The following SEMA3E variants were observed in gnomAD, a reference collection of about 807,000 sequenced individuals.
SEMA3E encodes the protein semaphorin 3E.
Under a neutral mutation model 93.6 loss-of-function variants are expected in SEMA3E, and 49 were observed. The ratio of observed to expected loss-of-function variants is 0.52; its 90% CI spans 0.42 to 0.66. The LOEUF (loss-of-function observed/expected upper bound fraction) is 0.66, where lower values mean the gene tolerates loss of function less well. Ranked by LOEUF, SEMA3E falls within the 30% of genes least tolerant of loss-of-function variation. The pLI is 0.00. For synonymous variants in SEMA3E, 363 were observed against 330.7 expected, an observed-to-expected ratio of 1.10 and a Z score of -1.06; for missense variants, 906 against 964.8, an observed-to-expected ratio of 0.94 and a Z score of 0.81.
At chr7:83,532,131 A>G (rs948108867) in intron 1 of SEMA3E, among the ~76,000 whole-genome samples, 10 of 152,102 alleles carry the variant, frequency 6.6e-5, no homozygotes, top group Non-Finnish European at 7.4e-5. Flanking sequence ...AAAAATTAGG[A>G]ATCTTTTTAG....
Position 83,429,456 on chromosome 7 carries a change from T to C in SEMA3E, c.457-10973A>G, listed in dbSNP as rs564301349. Among the ~76,000 whole-genome samples, 9 of 152,336 alleles carry C rather than the reference T, an allele frequency of 5.9e-5. 1 individual carries two copies. The highest frequency in any genetic ancestry group is 4.6e-4 in the Admixed American group (7 of 15,310). ...GACAGCTCTGCCTACTGGCTAGGTA[T>C]GCCACGGTGTCCTAGAGTATTTGAA... On this transcript the variant is annotated intron_variant, in intron 4 of 16. Coordinates refer to ENST00000643230, the MANE Select transcript of SEMA3E (RefSeq NM_012431.3).
At chr7:83,620,657 C>T (rs1793534941) in intron 1 of SEMA3E, among the ~76,000 whole-genome samples, 1 of 152,030 alleles carries the variant, frequency 6.6e-6, no homozygotes, top group East Asian at 1.9e-4. Flanking sequence ...CTATGATAAA[C>T]TTGGCTTCAT....
At chr7:83,452,303 T>C (rs1375119460) in intron 4 of SEMA3E, among the ~76,000 whole-genome samples, 2 of 152,108 alleles carry the variant, frequency 1.3e-5, no homozygotes, top group East Asian at 1.9e-4. Context: ...ACTTCTTCCA[T>C]GTATTTATAT....
chr7:83,565,243 A>G (rs1333899938), intron 1 of SEMA3E, among the ~76,000 whole-genome samples: 1 of 152,218 alleles, frequency 6.6e-6, no homozygotes, highest in Non-Finnish European at 1.5e-5. Flanking sequence ...TGTTCTTTGC[A>G]GGGACACGGA....
At chr7:83,419,629 G>A (rs1287540604) in intron 4 of SEMA3E, among the ~76,000 whole-genome samples, 1 of 152,088 alleles carries the variant, frequency 6.6e-6, no homozygotes, top group African/African-American at 2.4e-5. Context: ...CTTCCTGACT[G>A]GTGTGAGATG....
rs1794663775 is a variant in SEMA3E at position 83,366,175 on chromosome 7, CTGTT to C, written c.*1407_*1410del. 2.0e-5 allele frequency: 3 copies of C among 151,954 alleles called. No individual in the cohort carries two copies. Among genetic ancestry groups the C allele is most frequent in the African/African-American group, 7.2e-5 (3 of 41,416 alleles). The allele number at this position is 151,954 out of a possible 1,614,324, so 9.4% of individuals were successfully genotyped here. A position where few individuals can be genotyped will look rare whatever the true frequency, so the allele number is the denominator to read the frequency against. On this transcript the variant is annotated 3_prime_UTR_variant, in exon 17 of 17. Transcript: ENST00000643230. ...CTAACTTTGAAAACTGAAATAAACA[CTGTT>C]TAAGATTAATATCTAAATAAATGTT...
At chr7:83,603,707 C>G (rs990455384) in intron 1 of SEMA3E, among the ~76,000 whole-genome samples, 3 of 152,082 alleles carry the variant, frequency 2.0e-5, no homozygotes, top group Non-Finnish European at 2.9e-5. Context: ...AGCTTAAGAA[C>G]TTTTTCACAG....
At position 83,633,763 on chromosome 7, in the gene SEMA3E, G is replaced by C. The variant is rs1483869395; in HGVS notation, c.115+14665C>G. ...TAGCAGCTGGGCCTATTTGTTAAGA[G>C]GAAAAAAAAAATAGTCATTGAGGAT... On this transcript the variant is annotated intron_variant, in intron 1 of 16. Transcript: ENST00000643230. Among the ~76,000 whole-genome samples, 3 of 151,412 alleles carry C rather than the reference G, an allele frequency of 2.0e-5. No individual in the cohort carries two copies. The East Asian group carries it at 5.8e-4, about 29-fold the overall frequency.
intron 4 of SEMA3E, 76 bp downstream of exon 4, chr7:83,466,406 A>T: frequency 6.5e-7 from 1 of 1,534,668 alleles, no homozygotes; most frequent in Non-Finnish European, 9.0e-7. Context: ...TTGGGAAGAA[A>T]TGCTGTAGTC....
intron 4 of SEMA3E, among the ~76,000 whole-genome samples, chr7:83,428,448 T>G (rs963047416): frequency 6.6e-6 from 1 of 152,152 alleles, no homozygotes; most frequent in African/African-American, 2.4e-5. Context: ...CAATGGAAAA[T>G]AGGTGAAAGT....
In SEMA3E at chr7:83,363,838, T is replaced by C. The variant is rs1794620316; in HGVS notation, c.*3748A>G. ...ACTTTTCTTAATATGTTTATTAGGC[T>C]ACAGGTGTCACAGGTCAATTCATTT... is the stretch of plus-strand genomic sequence containing the variant. On this transcript the variant is annotated 3_prime_UTR_variant, in exon 17 of 17. Transcript: ENST00000643230. 1 of 147,642 alleles carries C rather than the reference T, an allele frequency of 6.8e-6. No individual in the cohort carries two copies. Among genetic ancestry groups the C allele is most frequent in the Non-Finnish European group, 1.5e-5 (1 of 66,996 alleles). 9.1% of individuals were successfully genotyped at this position (147,642 alleles called of 1,614,324 possible). A position where few individuals can be genotyped will look rare whatever the true frequency, so the allele number is the denominator to read the frequency against.
At chr7:83,446,909 A>G (rs888114018) in intron 4 of SEMA3E, among the ~76,000 whole-genome samples, 1 of 152,176 alleles carries the variant, frequency 6.6e-6, no homozygotes, top group Non-Finnish European at 1.5e-5. Context: ...TATGTACTTA[A>G]TACACGGTAG....
chr7:83,474,137 T>C (rs1243073917), intron 2 of SEMA3E, among the ~76,000 whole-genome samples: 1 of 151,786 alleles, frequency 6.6e-6, no homozygotes, highest in Non-Finnish European at 1.5e-5. Context: ...ACGTATGCTT[T>C]TTCTTTTTCT....
At position 83,607,618 on chromosome 7, in the gene SEMA3E, G is replaced by A. The variant is rs564540460; in HGVS notation, c.115+40810C>T. 1.2e-4 allele frequency among the ~76,000 whole-genome samples: 18 copies of A among 152,222 alleles called. No individual in the cohort carries two copies. In the East Asian group the frequency reaches 3.3e-3, roughly 28 times the overall value. On this transcript the variant is annotated intron_variant, in intron 1 of 16. Coordinates refer to ENST00000643230, the MANE Select transcript of SEMA3E (RefSeq NM_012431.3). Reference sequence around the variant, plus strand: ...AAAAATGCTATAAAATAAAAATTTGGAATACTATAAGTATGATCAAGCTAA... The same window carrying A: ...AAAAATGCTATAAAATAAAAATTTGAAATACTATAAGTATGATCAAGCTAA...
At chr7:83,395,112 T>G (rs1788097197) in intron 12 of SEMA3E, among the ~76,000 whole-genome samples, 1 of 152,198 alleles carries the variant, frequency 6.6e-6, no homozygotes, top group African/African-American at 2.4e-5. Flanking sequence ...TACAGAATCT[T>G]TATGCCTTCA....
intron 4 of SEMA3E, among the ~76,000 whole-genome samples, chr7:83,426,002 G>A (rs1788762011): frequency 6.6e-6 from 1 of 152,094 alleles, no homozygotes; most frequent in Non-Finnish European, 1.5e-5. Context: ...TCAGAGAAAT[G>A]CAAATCAAAA....
At chr7:83,397,899 C>A (rs1788155704) in intron 11 of SEMA3E, among the ~76,000 whole-genome samples, 1 of 152,054 alleles carries the variant, frequency 6.6e-6, no homozygotes, top group Non-Finnish European at 1.5e-5. Context: ...CAAAAATTAT[C>A]ATCATTTTGA....
chr7:83,493,807 T>G (rs1406917277), intron 1 of SEMA3E, among the ~76,000 whole-genome samples: 1 of 151,912 alleles, frequency 6.6e-6, no homozygotes, highest in Non-Finnish European at 1.5e-5. Context: ...AATCCTATCT[T>G]GATCCTTAAT....
At chr7:83,632,326 G>A (rs1025167170) in intron 1 of SEMA3E, among the ~76,000 whole-genome samples, 1 of 152,146 alleles carries the variant, frequency 6.6e-6, no homozygotes, top group Non-Finnish European at 1.5e-5. Flanking sequence ...ATTCACCTAT[G>A]ACAAAAGAGC....
Sources: allele counts gnomAD v4.1 joint callset (sites outside exome capture counted in the v4.1 genomes callset), GRCh38; gene constraint gnomAD v4.1.1; transcripts MANE v1.5; gene names NCBI Gene and HGNC (gene_info 2026-07-23, HGNC 2026-07-21).